Variants in PCDHA7 observed in about 807,000 individuals in gnomAD.
PCDHA7 encodes the protein protocadherin alpha-7.
PCDHA7 carries 37 observed loss-of-function variants against 57.2 expected under a neutral mutation model. The ratio of observed to expected loss-of-function variants is 0.65; its 90% CI spans 0.50 to 0.85. The LOEUF (loss-of-function observed/expected upper bound fraction) is 0.85. Ranked by LOEUF, PCDHA7 falls within the 40% of genes least tolerant of loss-of-function variation. The pLI, the probability that PCDHA7 is intolerant of heterozygous loss-of-function variation, is 0.00. For synonymous variants in PCDHA7, 553 were observed against 558.8 expected, an observed-to-expected ratio of 0.99 and a Z score of 0.15; for missense variants, 1,188 against 1,241.8, an observed-to-expected ratio of 0.96 and a Z score of 0.65.
intron 1 of PCDHA7, among the ~76,000 whole-genome samples, chr5:140,943,778 G>A (rs1554215923): frequency 6.6e-6 from 1 of 152,242 alleles, no homozygotes; most frequent in African/African-American, 2.4e-5. Flanking sequence ...AAACTAGGAA[G>A]TGGTCCTTTA....
chr5:140,985,268 A>G (rs1399255449), intron 3 of PCDHA7, among the ~76,000 whole-genome samples: 6 of 152,098 alleles, frequency 3.9e-5, no homozygotes, highest in African/African-American at 1.2e-4. Context: ...TTTCTGGACT[A>G]CTTTTCTGCA....
intron 1 of PCDHA7, chr5:140,852,983 A>T (rs1409156147): frequency 3.0e-6 from 1 of 337,908 alleles, no homozygotes; most frequent in Non-Finnish European, 4.4e-6. Context: ...TGTTCACGCC[A>T]TTCTCCTGCC....
intron 1 of PCDHA7, among the ~76,000 whole-genome samples, chr5:140,879,619 G>C (rs1554170883): frequency 6.6e-6 from 1 of 152,182 alleles, no homozygotes; most frequent in African/African-American, 2.4e-5. Flanking sequence ...CAGGTACTTA[G>C]GTGGGTAAGT....
In PCDHA7 at chr5:140,856,987, C is replaced by T. The variant is rs144244943; in HGVS notation, c.2355+20249C>T. ...ATGCTATTGACTTTGAGGACAGTAA[C>T]ACTTATGAAATTCATGTAGATGTTA... On this transcript the variant is annotated intron_variant, in intron 1 of 3. Coordinates refer to ENST00000525929, the MANE Select transcript of PCDHA7 (RefSeq NM_018910.3). The T allele has an allele frequency of 7.5e-6, 12 of 1,595,122 alleles. No individual in the cohort carries two copies. The African/African-American group carries it at 1.3e-4, about 18-fold the overall frequency.
intron 1 of PCDHA7, among the ~76,000 whole-genome samples, chr5:140,962,347 C>A (rs191780691): frequency 1.7e-4 from 26 of 152,244 alleles, no homozygotes; most frequent in African/African-American, 5.3e-4. Flanking sequence ...AAGTAAAACT[C>A]CCCCCAATAC....
At chr5:140,950,050 T>C (rs1554219269) in intron 1 of PCDHA7, among the ~76,000 whole-genome samples, 3 of 151,956 alleles carry the variant, frequency 2.0e-5, no homozygotes, top group Admixed American at 6.6e-5. Context: ...CATATAAGAC[T>C]ATTTAGCTCT....
chr5:140,882,182 G>A (rs1357141908), intron 1 of PCDHA7: 1 of 1,518,510 alleles, frequency 6.6e-7, no homozygotes, highest in Non-Finnish European at 8.8e-7. Context: ...TCCGCACTAG[G>A]AAGCCATAAA....
At chr5:140,848,473 TAGA>T in intron 1 of PCDHA7, 2 of 1,556,440 alleles carry the variant, frequency 1.3e-6, no homozygotes, top group Non-Finnish European at 8.7e-7. Context: ...TTTCACTAAT[TAGA>T]AGAAGACTGA....
intron 1 of PCDHA7, among the ~76,000 whole-genome samples, chr5:140,977,204 A>G (rs1051271481): frequency 9.9e-5 from 15 of 152,170 alleles, no homozygotes; most frequent in Non-Finnish European, 1.6e-4. Context: ...AGTTGCAGCA[A>G]TTTTCATCAT....
chr5:140,834,895 G>A lies in PCDHA7; in HGVS notation c.512G>A (p.Arg171Lys), dbSNP rs1773362050. The A allele has an allele frequency of 6.2e-7, 1 of 1,603,034 alleles. No homozygotes were observed. Among genetic ancestry groups the A allele is most frequent in the African/African-American group, 1.4e-5 (1 of 72,932 alleles). ...GGGGAGAACGCCCTGCTCACTTACAGACTGAGCCCCAATGAGTATTTCTTC... is the reference window on the plus strand; with the variant it reads ...GGGGAGAACGCCCTGCTCACTTACAAACTGAGCCCCAATGAGTATTTCTTC... ...DIGENALLTY[R>K]LSPNEYFFLD... Residue 171 changes from arginine to lysine, a missense_variant, in exon 1 of 4, where the codon AGA becomes AAA. Arg to Lys is a conservative substitution (Grantham distance 26). Coordinates refer to ENST00000525929, the MANE Select transcript of PCDHA7 (RefSeq NM_018910.3).
At chr5:140,883,341 C>G in intron 1 of PCDHA7, 1 of 1,614,144 alleles carries the variant, frequency 6.2e-7, no homozygotes, top group Non-Finnish European at 8.5e-7. Context: ...TTGTCACTCC[C>G]CATCAGAGAA....
chr5:140,942,545 G>T (rs981508818), intron 1 of PCDHA7, among the ~76,000 whole-genome samples: 1 of 151,970 alleles, frequency 6.6e-6, no homozygotes, highest in Non-Finnish European at 1.5e-5. Flanking sequence ...ATGGTGGGGG[G>T]TAGGGGGTTG....
intron 1 of PCDHA7, among the ~76,000 whole-genome samples, chr5:140,846,838 C>T (rs1554141511): frequency 6.7e-6 from 1 of 149,596 alleles, no homozygotes; most frequent in African/African-American, 2.5e-5. Context: ...ATATGAGTCA[C>T]ACAATGCAAG....
At chr5:140,860,393 A>C (rs1463611060) in intron 1 of PCDHA7, 1 of 152,136 alleles carries the variant, frequency 6.6e-6, no homozygotes, top group Non-Finnish European at 1.5e-5. Flanking sequence ...AAATTGAAAA[A>C]AGCAAAAGCA....
rs2150357061 is a variant in PCDHA7, at chr5:140,843,307, G to C, written c.2355+6569G>C. On this transcript the variant is annotated intron_variant, in intron 1 of 3. Transcript: ENST00000525929. The stretch of plus-strand genomic sequence containing the variant: ...ATGGTGAACCTGCGCTGACCGCCAC[G>C]GCCACGGTTCTGGTGTCGCTGGTGG... 7 of 1,595,858 alleles carry C rather than the reference G, an allele frequency of 4.4e-6. 1 individual carries two copies. The highest frequency in any genetic ancestry group is 6.0e-6 in the Non-Finnish European group (7 of 1,165,566).
At chr5:140,908,142 A>G (rs1371459142) in intron 1 of PCDHA7, among the ~76,000 whole-genome samples, 1 of 152,158 alleles carries the variant, frequency 6.6e-6, no homozygotes, top group Non-Finnish European at 1.5e-5. Flanking sequence ...TCCTTCAGGT[A>G]TGTCCTAGGA....
intron 1 of PCDHA7, among the ~76,000 whole-genome samples, chr5:140,969,881 G>C (rs1554232131): frequency 6.6e-6 from 1 of 152,196 alleles, no homozygotes; most frequent in African/African-American, 2.4e-5. Flanking sequence ...CTATGTGATA[G>C]GATCCTCTGG....
chr5:140,881,332 C>T (rs923599590), intron 1 of PCDHA7: 7 of 984,540 alleles, frequency 7.1e-6, no homozygotes, highest in South Asian at 9.4e-5. Flanking sequence ...TTAACCAGGA[C>T]GCCGATTCGG....
chr5:140,843,424 C>A (rs1266105482), intron 1 of PCDHA7: 2 of 1,596,008 alleles, frequency 1.3e-6, no homozygotes, highest in Non-Finnish European at 1.7e-6. Flanking sequence ...TGTACCTGAT[C>A]ATCGCCATCT....
Sources: gnomAD v4.1 joint callset for allele counts (sites outside exome capture counted in the v4.1 genomes callset) on GRCh38, gnomAD v4.1.1 for gene constraint, MANE v1.5 for transcripts, NCBI Gene and HGNC (gene_info 2026-07-23, HGNC 2026-07-21) for gene names.